ARL5C: variants seen among roughly 807,000 people sequenced by gnomAD.
ARL5C encodes ARF like GTPase 5C, also known as putative ADP-ribosylation factor-like protein 5C.
In ARL5C, 21 loss-of-function variants were observed where a neutral mutation model predicts 20.8. The ratio of observed to expected loss-of-function variants is 1.01; its 90% CI spans 0.72 to 1.46. ARL5C has a LOEUF of 1.46. Among genes scored for constraint, ARL5C ranks in the 40% most tolerant of loss-of-function variants. The pLI is 0.00. For missense variants in ARL5C, 199 were observed against 225.1 expected, an observed-to-expected ratio of 0.88 and a Z score of 0.74; for synonymous variants, 71 against 81.6, an observed-to-expected ratio of 0.87 and a Z score of 0.70.
Position 39,161,363 on chromosome 17 carries a change from AG to A in ARL5C, c.256-13del. 1 of 1,551,716 alleles carries A rather than the reference AG, an allele frequency of 6.4e-7. No homozygotes were observed. The highest frequency in any genetic ancestry group is 1.2e-5 in the South Asian group (1 of 84,060). On this transcript the variant is annotated splice_polypyrimidine_tract_variant and intron_variant, in intron 3 of 5. Coordinates refer to ENST00000269586, the MANE Select transcript of ARL5C (RefSeq NM_001143968.1). Reference sequence around the variant, plus strand: ...ACAAGGATGATAAACTGGGCAGCAGAGGGGAGCCGTGAGAGACAGGCTTTCT... The same window carrying A: ...ACAAGGATGATAAACTGGGCAGCAGAGGGAGCCGTGAGAGACAGGCTTTCT...
intron 3 of ARL5C, 60 bp downstream of exon 3, chr17:39,162,651 A>C: frequency 2.0e-6 from 3 of 1,523,256 alleles, no homozygotes; most frequent in Non-Finnish European, 2.7e-6. Flanking sequence ...GAAAGGTTAC[A>C]TGACAGTCTG....
intron 5 of ARL5C, 97 bp downstream of exon 5, chr17:39,160,494 C>T: frequency 1.4e-6 from 2 of 1,450,692 alleles, no homozygotes; most frequent in Admixed American, 2.2e-5. Context: ...AACTGTGAAC[C>T]AGATTCTCAC....
intron 5 of ARL5C, among the ~76,000 whole-genome samples, chr17:39,158,393 A>G (rs2045417481): frequency 6.6e-6 from 1 of 152,162 alleles, no homozygotes; most frequent in South Asian, 2.1e-4. Context: ...CAGGAAGATC[A>G]TTTGAGCTCA....
At chr17:39,159,031 T>TG (rs1358422067) in intron 5 of ARL5C, among the ~76,000 whole-genome samples, 6 of 122,416 alleles carry the variant, frequency 4.9e-5, no homozygotes, top group African/African-American at 9.4e-5. Context: ...TGTTTTTTTT[T>TG]TTTTTTTTTT....
At chr17:39,164,417 C>T (rs745720567) in intron 2 of ARL5C, 1 of 152,078 alleles carries the variant, frequency 6.6e-6, no homozygotes, top group Admixed American at 6.6e-5. Context: ...TGAAAAGTTA[C>T]GCAAAGTTAC....
At position 39,162,842 on chromosome 17, in the gene ARL5C, C is replaced by T. The variant is rs907384369; in HGVS notation, c.124G>A (p.Val42Ile). The change falls in exon 3 of 6, where the codon GTC becomes ATC. Residue 42 changes from valine to isoleucine, a missense_variant. Coordinates refer to ENST00000269586, the MANE Select transcript of ARL5C (RefSeq NM_001143968.1). ...ILYRFLTNEV[V>I]HMCPTIGSNV... Reference sequence around the variant, plus strand: ...CTGCCAATGGTGGGACACATATGGACCACCTCATTGGTCAAGCTGGGGAGG... The same window carrying T: ...CTGCCAATGGTGGGACACATATGGATCACCTCATTGGTCAAGCTGGGGAGG... The T allele has an allele frequency of 1.3e-6, 2 of 1,550,806 alleles. No homozygotes were observed. Among genetic ancestry groups the T allele is most frequent in the Non-Finnish European group, 1.7e-6 (2 of 1,146,966 alleles).
chr17:39,158,474 A>G (rs1469672047), intron 5 of ARL5C, among the ~76,000 whole-genome samples: 1 of 151,648 alleles, frequency 6.6e-6, no homozygotes, highest in East Asian at 2.0e-4. Context: ...TTACCAGGGC[A>G]TGGTGGTGTG....
At chr17:39,160,200 G>C (rs1444258407) in intron 5 of ARL5C, 1 of 161,638 alleles carries the variant, frequency 6.2e-6, no homozygotes, top group Non-Finnish European at 1.3e-5. Context: ...GCGGGTACCT[G>C]TAATCCCAGC....
In ARL5C at chr17:39,166,014, G is replaced by C. The variant is rs1338135833; in HGVS notation, c.-254C>G. On this transcript the variant is annotated 5_prime_UTR_variant, in exon 1 of 6. Coordinates refer to ENST00000269586, the MANE Select transcript of ARL5C (RefSeq NM_001143968.1). ...GGTGCAAGGAATATGGGGGTTCCAG[G>C]CTCCAGCCCTCCCCCTCGCCCTGCG... is the stretch of plus-strand genomic sequence containing the variant. The C allele has an allele frequency of 1.9e-6, 1 of 529,778 alleles. No homozygotes were observed. The highest frequency in any genetic ancestry group is 3.4e-6 in the Non-Finnish European group (1 of 294,756). The allele number at this position is 529,778 out of a possible 1,614,324, so 32.8% of individuals were successfully genotyped here.
intron 2 of ARL5C, 141 bp downstream of exon 2, chr17:39,164,938 G>A (rs1597669628): frequency 1.3e-6 from 1 of 795,882 alleles, no homozygotes; most frequent in East Asian, 2.7e-5. Flanking sequence ...TACTAGGAAG[G>A]TCCAAGCAGC....
chr17:39,162,919 A>T, intron 2 of ARL5C, 61 bp from the exon 3 acceptor site: 1 of 1,526,334 alleles, frequency 6.6e-7, no homozygotes, highest in Non-Finnish European at 8.8e-7. Flanking sequence ...TCTGGCCCCC[A>T]AATGCTCTAC....
chr17:39,157,303 C>T (rs1463709070), intron 5 of ARL5C, among the ~76,000 whole-genome samples: 1 of 152,188 alleles, frequency 6.6e-6, no homozygotes, highest in Non-Finnish European at 1.5e-5. Flanking sequence ...CCTGGAGACT[C>T]ACCTTGCTGG....
rs1000860254 is a variant in ARL5C at position 39,165,845 on chromosome 17, C to T, written c.-85G>A. 4.0e-6 allele frequency: 6 copies of T among 1,487,702 alleles called. No individual in the cohort carries two copies. The highest frequency in any genetic ancestry group is 5.5e-6 in the Non-Finnish European group (6 of 1,093,158). The allele number at this position is 1,487,702 out of a possible 1,614,324, so 92.2% of individuals were successfully genotyped here. On this transcript the variant is annotated 5_prime_UTR_variant, in exon 1 of 6. Coordinates refer to ENST00000269586, the MANE Select transcript of ARL5C (RefSeq NM_001143968.1). ...CCTGGTATTCGGAGCTCCGCTCCCC[C>T]GGGAGGGTCTGGCAGATTTTGCCTA...
chr17:39,165,625 G>A (rs2045459137), intron 1 of ARL5C, 90 bp downstream of exon 1: 6 of 1,509,296 alleles, frequency 4.0e-6, no homozygotes, highest in Non-Finnish European at 5.4e-6. Context: ...CGGAGCCCGA[G>A]GTCCCCCCGT....
chr17:39,165,642 G>C, intron 1 of ARL5C, 73 bp downstream of exon 1: 1 of 1,541,262 alleles, frequency 6.5e-7, no homozygotes, highest in Non-Finnish European at 8.8e-7. Flanking sequence ...CCGTGCGTCC[G>C]ACCACAGATC....
At chr17:39,158,563 T>A (rs2045418156) in intron 5 of ARL5C, among the ~76,000 whole-genome samples, 1 of 150,694 alleles carries the variant, frequency 6.6e-6, no homozygotes. Context: ...CAGTAAGCCA[T>A]GTTTGCACAA....
At chr17:39,164,072 G>T (rs1266223276) in intron 2 of ARL5C, 1 of 151,328 alleles carries the variant, frequency 6.6e-6, no homozygotes, top group African/African-American at 2.4e-5. Context: ...TCAGCCCTTT[G>T]TTGTTGTTGT....
At chr17:39,160,255 G>A (rs757543890) in intron 5 of ARL5C, 10 of 176,078 alleles carry the variant, frequency 5.7e-5, no homozygotes, top group Non-Finnish European at 8.4e-5. Context: ...CCTGGGAGGC[G>A]GAGGTTACAG....
At chr17:39,159,301 T>G (rs557198624) in intron 5 of ARL5C, among the ~76,000 whole-genome samples, 1 of 143,798 alleles carries the variant, frequency 7.0e-6, no homozygotes. Flanking sequence ...TTCTTTCTTT[T>G]TTTTTTTTTT....
Sources: gnomAD v4.1 joint callset for allele counts (sites outside exome capture counted in the v4.1 genomes callset) on GRCh38, gnomAD v4.1.1 for gene constraint, MANE v1.5 for transcripts, NCBI Gene and HGNC (gene_info 2026-07-23, HGNC 2026-07-21) for gene names.